The following SMPD3 variants were observed in gnomAD, a reference collection of about 807,000 sequenced individuals.
The protein encoded by SMPD3 is nSMase-2.
Under a neutral mutation model 55.7 loss-of-function variants are expected in SMPD3, and 21 were observed. The observed-to-expected ratio is 0.38, with a 90% CI of 0.27 to 0.54. SMPD3 has a LOEUF of 0.54. SMPD3 is among the 20% of genes least tolerant of loss of function. The probability of loss-of-function intolerance (pLI) is 0.80; values close to 1 mark genes in which losing one functional copy is unlikely to be tolerated. For synonymous variants in SMPD3, 457 were observed against 404.3 expected, an observed-to-expected ratio of 1.13 and a Z score of -1.56; for missense variants, 842 against 899.6, an observed-to-expected ratio of 0.94 and a Z score of 0.82.
chr16:68,362,387 G>A (rs566560552), intron 7 of SMPD3, among the ~76,000 whole-genome samples: 60 of 152,362 alleles, frequency 3.9e-4, no homozygotes, highest in Non-Finnish European at 6.3e-4. Context: ...AGGGCAGGGC[G>A]CTGGAGCAGG....
intron 1 of SMPD3, among the ~76,000 whole-genome samples, chr16:68,389,736 G>C (rs1442714099): frequency 1.3e-5 from 2 of 152,214 alleles, no homozygotes; most frequent in African/African-American, 4.8e-5. Context: ...TGCTACAGTT[G>C]AAGTTTGGGG....
At chr16:68,378,583 A>G (rs1429914041) in intron 2 of SMPD3, among the ~76,000 whole-genome samples, 2 of 143,656 alleles carry the variant, frequency 1.4e-5, no homozygotes, top group Non-Finnish European at 3.0e-5. Context: ...CCACCCCCTC[A>G]GTCTGTCACT....
Position 68,361,198 on chromosome 16 carries a change from C to T in SMPD3, c.*8G>A, listed in dbSNP as rs375592713. On this transcript the variant is annotated 3_prime_UTR_variant, in exon 9 of 9. Coordinates refer to ENST00000219334, the MANE Select transcript of SMPD3 (RefSeq NM_018667.4). ...AGGGCTGGCAGAGGCCCCGCTGCTC[C>T]GGACGGTCTATGCCTCCTCCTCCCC... 196 of 1,612,186 alleles carry T rather than the reference C, an allele frequency of 1.2e-4. 1 individual carries two copies. The highest frequency in any genetic ancestry group is 3.5e-4 in the South Asian group (32 of 90,698).
At chr16:68,403,003 C>T (rs1372790945) in intron 1 of SMPD3, among the ~76,000 whole-genome samples, 1 of 152,202 alleles carries the variant, frequency 6.6e-6, no homozygotes, top group African/African-American at 2.4e-5. Flanking sequence ...TGGATTTGTA[C>T]ACTGTGTCAG....
chr16:68,360,620 TG>T lies in SMPD3; in HGVS notation c.*585del, dbSNP rs1413914825. ...CGAGACCCTGGGAAGAGCCCTGGGC[TG>T]GCTGGTAGAGATGCAGCCCTCGGAC... On this transcript the variant is annotated 3_prime_UTR_variant, in exon 9 of 9. Transcript: ENST00000219334. The T allele has an allele frequency of 6.5e-6, 1 of 153,706 alleles. No individual in the cohort carries two copies. The highest frequency in any genetic ancestry group is 2.4e-5 in the African/African-American group (1 of 41,476). The allele number at this position is 153,706 out of a possible 1,614,324, so 9.5% of individuals were successfully genotyped here.
At chr16:68,400,282 T>C (rs1186675753) in intron 1 of SMPD3, among the ~76,000 whole-genome samples, 3 of 152,342 alleles carry the variant, frequency 2.0e-5, no homozygotes, top group South Asian at 2.1e-4. Flanking sequence ...AGGTTTCTTG[T>C]TGAGTCCAGC....
At chr16:68,408,811 G>A (rs1883384692) in intron 1 of SMPD3, among the ~76,000 whole-genome samples, 1 of 152,226 alleles carries the variant, frequency 6.6e-6, no homozygotes, top group Admixed American at 6.5e-5. Flanking sequence ...GTTTCTGCCT[G>A]GTACTGGCAG....
intron 1 of SMPD3, among the ~76,000 whole-genome samples, chr16:68,414,213 G>C (rs1274320184): frequency 6.6e-6 from 1 of 152,218 alleles, no homozygotes; most frequent in African/African-American, 2.4e-5. Context: ...AAGGGCACTT[G>C]GAATTTCACT....
At chr16:68,445,823 T>C (rs1020889373) in intron 1 of SMPD3, among the ~76,000 whole-genome samples, 1 of 152,208 alleles carries the variant, frequency 6.6e-6, no homozygotes, top group Non-Finnish European at 1.5e-5. Context: ...AGCTGCACAG[T>C]ACCTTTGCTA....
At chr16:68,385,010 G>A (rs2090027330) in intron 2 of SMPD3, among the ~76,000 whole-genome samples, 1 of 152,192 alleles carries the variant, frequency 6.6e-6, no homozygotes, top group Admixed American at 6.5e-5. Context: ...AAAGACAAGA[G>A]GGAGATTGGA....
At chr16:68,385,089 C>T (rs1178597005) in intron 2 of SMPD3, among the ~76,000 whole-genome samples, 1 of 152,208 alleles carries the variant, frequency 6.6e-6, no homozygotes, top group East Asian at 1.9e-4. Context: ...CACCCAGCAC[C>T]TCAGAGAATA....
At chr16:68,446,339 C>T (rs573275650) in intron 1 of SMPD3, among the ~76,000 whole-genome samples, 16 of 152,278 alleles carry the variant, frequency 1.1e-4, no homozygotes, top group Middle Eastern at 6.8e-3. Flanking sequence ...AGGCTAGGCA[C>T]AAAGCAACCT....
intron 1 of SMPD3, among the ~76,000 whole-genome samples, chr16:68,389,922 G>A (rs1461605478): frequency 6.6e-6 from 1 of 152,250 alleles, no homozygotes; most frequent in Non-Finnish European, 1.5e-5. Flanking sequence ...ACAGTAAAGT[G>A]AAAGCAAGTT....
Position 68,371,056 on chromosome 16 carries a change from C to G in SMPD3, c.1126G>C (p.Glu376Gln). 5 of 1,614,246 alleles carry G rather than the reference C, an allele frequency of 3.1e-6. No individual in the cohort carries two copies. Among genetic ancestry groups the G allele is most frequent in the Non-Finnish European group, 4.2e-6 (5 of 1,180,046 alleles). ...FDKRAATKLK[E>Q]QLHGYFEYIL... is the part of the protein sequence containing the mutation. ...TACTCGAAGTAGCCGTGCAGCTGCT[C>G]TTTCAATTTGGTGGCTGCTCGCTTG... Residue 376 changes from glutamate (E) to glutamine (Q), a missense_variant, in exon 3 of 9, where the codon GAG (glutamate) becomes CAG (glutamine). Coordinates refer to ENST00000219334, the MANE Select transcript of SMPD3 (RefSeq NM_018667.4).
intron 1 of SMPD3, among the ~76,000 whole-genome samples, chr16:68,445,049 G>C (rs2090599546): frequency 6.6e-6 from 1 of 152,220 alleles, no homozygotes; most frequent in South Asian, 2.1e-4. Context: ...CATGTCACCA[G>C]ATGGGTATTT....
At chr16:68,376,673 T>G (rs1452300442) in intron 2 of SMPD3, among the ~76,000 whole-genome samples, 1 of 152,196 alleles carries the variant, frequency 6.6e-6, no homozygotes, top group Non-Finnish European at 1.5e-5. Flanking sequence ...TCCCGTTGTC[T>G]CCAGGTCGTC....
Position 68,359,232 on chromosome 16 carries a change from G to A in SMPD3, c.*1974C>T, listed in dbSNP as rs907968616. 2.0e-5 allele frequency: 3 copies of A among 152,460 alleles called. No homozygotes were observed. Among genetic ancestry groups the A allele is most frequent in the Non-Finnish European group, 4.4e-5 (3 of 68,216 alleles). 9.4% of individuals were successfully genotyped at this position (152,460 alleles called of 1,614,324 possible). On this transcript the variant is annotated 3_prime_UTR_variant, in exon 9 of 9. Transcript: ENST00000219334. The stretch of plus-strand genomic sequence containing the variant: ...GGGTCCAGGGCCGGCCGGCCCAGTC[G>A]CTTGTGTGAGCAGAGTACCAGCTGC...
intron 1 of SMPD3, among the ~76,000 whole-genome samples, chr16:68,442,607 C>T (rs1372808029): frequency 1.3e-5 from 2 of 152,140 alleles, no homozygotes; most frequent in Non-Finnish European, 2.9e-5. Flanking sequence ...CTCATATTGG[C>T]CTAAAATCTT....
intron 1 of SMPD3, among the ~76,000 whole-genome samples, chr16:68,389,326 C>T (rs1597637469): frequency 6.6e-6 from 1 of 152,344 alleles, no homozygotes; most frequent in East Asian, 1.9e-4. Flanking sequence ...CCACAGGCCC[C>T]AAGACCACAG....
Sources: allele counts gnomAD v4.1 joint callset (sites outside exome capture counted in the v4.1 genomes callset), GRCh38; gene constraint gnomAD v4.1.1; transcripts MANE v1.5; gene names NCBI Gene and HGNC (gene_info 2026-07-23, HGNC 2026-07-21).